CASQ1: variants seen among roughly 807,000 people sequenced by gnomAD.
The protein encoded by CASQ1 is calsequestrin-1.
CASQ1 carries 40 observed loss-of-function variants against 49.5 expected under a neutral mutation model. The ratio of observed to expected loss-of-function variants is 0.81; its 90% CI spans 0.63 to 1.05. CASQ1 has a LOEUF of 1.05. CASQ1 is among the 50% of genes least tolerant of loss of function. The pLI is 0.00. For synonymous variants in CASQ1, 174 were observed against 187.2 expected, an observed-to-expected ratio of 0.93 and a Z score of 0.58; for missense variants, 469 against 486.9, an observed-to-expected ratio of 0.96 and a Z score of 0.35.
In CASQ1 at chr1:160,190,916, GA is replaced by G; in HGVS notation, c.167del (p.Asn56ThrfsTer35). The G allele has an allele frequency of 6.2e-7, 1 of 1,614,176 alleles. No individual in the cohort carries two copies. Among genetic ancestry groups the G allele is most frequent in the Non-Finnish European group, 8.5e-7 (1 of 1,180,028 alleles). On this transcript the variant is annotated frameshift_variant, in exon 1 of 11. Coordinates refer to ENST00000368078, the MANE Select transcript of CASQ1 (RefSeq NM_001231.5). LOFTEE classifies it high-confidence loss of function. ...ACCGTGTGATCAATGTCAATGCAAA[GA>G]ACTACAAGAATGTGTTCAAGAAGTA... Reference protein sequence around the residue: ...VDRVINVNAKNYKNVFKKYEV... With the variant: ...VDRVINVNAKXYKNVFKKYEV...
chr1:160,194,563 A>T (rs2101673606), intron 3 of CASQ1, among the ~76,000 whole-genome samples: 1 of 147,312 alleles, frequency 6.8e-6, no homozygotes, highest in Admixed American at 6.8e-5. Context: ...ATGCACATAC[A>T]TACCTGCACA....
Position 160,190,974 on chromosome 1 carries a change from C to T in CASQ1, c.223C>T (p.Pro75Ser), listed in dbSNP as rs781172147. 5 of 1,614,006 alleles carry T rather than the reference C, an allele frequency of 3.1e-6. No individual in the cohort carries two copies. In the African/African-American group the frequency reaches 5.3e-5, roughly 17 times the overall value. The change falls in exon 1 of 11, where the codon CCC (proline) becomes TCC (serine). Residue 75 changes from proline to serine, a missense_variant. Pro to Ser is a moderately conservative substitution (Grantham distance 74, BLOSUM62 -1). Transcript: ENST00000368078. ...EVLALLYHEP[P>S]EDDKASQRQF... is the part of the protein sequence containing the mutation. Reference sequence around the variant, plus strand: ...GCTGGCACTCCTCTACCATGAACCCCCCGAGGATGACAAGGCCTCACAAAG... The same window carrying T: ...GCTGGCACTCCTCTACCATGAACCCTCCGAGGATGACAAGGCCTCACAAAG...
At chr1:160,197,997 T>C (rs1036265011) in intron 7 of CASQ1, among the ~76,000 whole-genome samples, 1 of 149,278 alleles carries the variant, frequency 6.7e-6, no homozygotes, top group Admixed American at 6.7e-5. Context: ...GGGGACAGAG[T>C]GAGACTCCGT....
At position 160,193,861 on chromosome 1, in the gene CASQ1, T is replaced by C. The variant is rs767128287; in HGVS notation, c.465+14T>C. ...TTTCTGCTTGATGTAAGGACTCCCC[T>C]GGACCTGACGGCCTTGCTTGAAAAC... On this transcript the variant is annotated intron_variant, in intron 3 of 10. Transcript: ENST00000368078. 88 of 1,587,668 alleles carry C rather than the reference T, an allele frequency of 5.5e-5. No homozygotes were observed. In the Middle Eastern group the frequency reaches 6.6e-4, roughly 12 times the overall value.
intron 2 of CASQ1, among the ~76,000 whole-genome samples, chr1:160,193,539 C>A (rs1245825434): frequency 6.6e-6 from 1 of 152,150 alleles, no homozygotes; most frequent in Non-Finnish European, 1.5e-5. Context: ...GCCACGCTAG[C>A]CCCCTAGGCT....
intron 6 of CASQ1, among the ~76,000 whole-genome samples, chr1:160,196,419 T>C (rs1654236835): frequency 6.6e-6 from 1 of 152,144 alleles, no homozygotes. Context: ...GTGTCAGAGC[T>C]TTTAACCCTG....
chr1:160,190,905 G>C lies in CASQ1; in HGVS notation c.154G>C (p.Val52Leu). 1 of 1,614,200 alleles carries C rather than the reference G, an allele frequency of 6.2e-7. No individual in the cohort carries two copies. Among genetic ancestry groups the C allele is most frequent in the Middle Eastern group, 1.6e-4 (1 of 6,062 alleles). Residue 52 changes from valine (V) to leucine (L), a missense_variant, in exon 1 of 11, where the codon GTC (valine) becomes CTC (leucine). Coordinates refer to ENST00000368078, the MANE Select transcript of CASQ1 (RefSeq NM_001231.5). ...CGATGGTGTGGACCGTGTGATCAATGTCAATGCAAAGAACTACAAGAATGT... is the reference window on the plus strand; with the variant it reads ...CGATGGTGTGGACCGTGTGATCAATCTCAATGCAAAGAACTACAAGAATGT... ...EYDGVDRVINVNAKNYKNVFK... is the reference protein window; with the variant it reads ...EYDGVDRVINLNAKNYKNVFK...
At chr1:160,195,661 C>CCG (rs1553192599) in intron 5 of CASQ1, 127 bp downstream of exon 5, 4 of 782,982 alleles carry the variant, frequency 5.1e-6, no homozygotes, top group South Asian at 1.6e-5. Flanking sequence ...TGCCCCCCCC[C>CCG]CCGGCTCCTC....
intron 5 of CASQ1, 123 bp from the exon 6 acceptor site, chr1:160,195,773 CA>C (rs1654209770): frequency 9.0e-7 from 1 of 1,113,814 alleles, no homozygotes; most frequent in Middle Eastern, 2.0e-4. Context: ...TCAGGTGTCA[CA>C]GTGGCAGTGA....
intron 8 of CASQ1, 63 bp from the exon 9 acceptor site, chr1:160,198,888 CCT>C (rs1654304617): frequency 7.6e-6 from 9 of 1,191,770 alleles, no homozygotes; most frequent in African/African-American, 1.5e-5. Flanking sequence ...GCTCTGCACT[CCT>C]GTTTCACCTG....
chr1:160,196,477 CT>C (rs112705179), intron 6 of CASQ1, among the ~76,000 whole-genome samples: 5,322 of 144,142 alleles, frequency 0.037, 295 homozygotes, highest in African/African-American at 0.13. Context: ...TCTTCTTCTT[CT>C]TTTTTTTTTT....
chr1:160,194,216 CCA>C (rs1326186466), intron 3 of CASQ1, among the ~76,000 whole-genome samples: 14 of 148,072 alleles, frequency 9.5e-5, no homozygotes, highest in South Asian at 2.2e-4. Context: ...ACCACACACT[CCA>C]CACACATCAC....
Position 160,201,545 on chromosome 1 carries a change from A to G in CASQ1, c.*169A>G. On this transcript the variant is annotated 3_prime_UTR_variant, in exon 11 of 11. Transcript: ENST00000368078. The stretch of plus-strand genomic sequence containing the variant: ...ACTGATCCCCCTCATTTGATGAGCA[A>G]ATGAGCTACTTTTCCCTAGACACCA... 1 of 665,278 alleles carries G rather than the reference A, an allele frequency of 1.5e-6. No homozygotes were observed. The allele number at this position is 665,278 out of a possible 1,614,324, so 41.2% of individuals were successfully genotyped here.
rs1004620125 is a variant in CASQ1, at chr1:160,199,073, C to T, written c.984+20C>T. On this transcript the variant is annotated intron_variant, in intron 9 of 10. Coordinates refer to ENST00000368078, the MANE Select transcript of CASQ1 (RefSeq NM_001231.5). ...CCCCTGGTAAGAGGCACAGCTCAGG[C>T]ACTGCTATCTTAAGGTGGGGCCTTG... 5 of 1,398,486 alleles carry T rather than the reference C, an allele frequency of 3.6e-6. No homozygotes were observed. The highest frequency in any genetic ancestry group is 3.5e-4 in the Middle Eastern group (2 of 5,702). 86.6% of individuals were successfully genotyped at this position (1,398,486 alleles called of 1,614,324 possible).
rs373107402 is a variant in CASQ1 at position 160,198,982 on chromosome 1, G to A, written c.913G>A (p.Ala305Thr). The part of the protein sequence containing the change: ...DGFEFLETLK[A>T]VAQDNTENPD... Reference sequence around the variant, plus strand: ...TTTCGAGTTCTTAGAGACTCTCAAGGCTGTGGCCCAAGATAACACTGAAAA... The same window carrying A: ...TTTCGAGTTCTTAGAGACTCTCAAGACTGTGGCCCAAGATAACACTGAAAA... The change falls in exon 9 of 11, where the codon GCT becomes ACT. Residue 305 changes from alanine to threonine, a missense_variant. Physicochemically the swap from Ala to Thr is moderately conservative, Grantham distance 58 (BLOSUM62 0). Transcript: ENST00000368078. The A allele has an allele frequency of 6.2e-6, 10 of 1,612,800 alleles. No homozygotes were observed. In the African/African-American group the frequency reaches 8.0e-5, roughly 13 times the overall value.
At position 160,195,658 on chromosome 1, in the gene CASQ1, C is replaced by CG. The variant is rs200666201; in HGVS notation, c.651+124_651+125insG. The CG allele has an allele frequency of 6.8e-5, 56 of 825,726 alleles. 1 individual carries two copies. The highest frequency in any genetic ancestry group is 9.1e-5 in the Non-Finnish European group (46 of 507,812). The allele number at this position is 825,726 out of a possible 1,614,324, so 51.1% of individuals were successfully genotyped here. A position where few individuals can be genotyped will look rare whatever the true frequency, so the allele number is the denominator to read the frequency against. On this transcript the variant is annotated intron_variant, in intron 5 of 10. Coordinates refer to ENST00000368078, the MANE Select transcript of CASQ1 (RefSeq NM_001231.5). ...GTGCTGGCACTCCCTACCTGCCCCC[C>CG]CCCCCGGCTCCTCCCACTCCATAGA...
At chr1:160,192,945 G>A (rs1654111280) in intron 2 of CASQ1, 59 bp downstream of exon 2, 3 of 1,388,864 alleles carry the variant, frequency 2.2e-6, no homozygotes, top group Non-Finnish European at 3.1e-6. Flanking sequence ...GAGGCTTAGG[G>A]CGGAGGACCT....
At chr1:160,194,549 CCACATGCACATACATACCTGCACACCA>C (rs1261636081) in intron 3 of CASQ1, among the ~76,000 whole-genome samples, 1 of 148,088 alleles carries the variant, frequency 6.8e-6, no homozygotes, top group Non-Finnish European at 1.5e-5. Flanking sequence ...CACACACACA[CCACATGCACATACATACCTGCACACCA>C]CACATGCACA....
chr1:160,195,652 G>GCT, intron 5 of CASQ1, 118 bp downstream of exon 5: 2 of 716,422 alleles, frequency 2.8e-6, no homozygotes, highest in Non-Finnish European at 4.5e-6. Context: ...CTCCCTACCT[G>GCT]CCCCCCCCCC....
Sources: allele counts gnomAD v4.1 joint callset (sites outside exome capture counted in the v4.1 genomes callset), GRCh38; gene constraint gnomAD v4.1.1; transcripts MANE v1.5; gene names NCBI Gene and HGNC (gene_info 2026-07-23, HGNC 2026-07-21).